Variants in TMOD3 observed in about 807,000 individuals in gnomAD.
TMOD3 encodes tropomodulin-3.
TMOD3 carries 20 observed loss-of-function variants against 39.2 expected under a neutral mutation model. The observed-to-expected ratio is 0.51, with a 90% CI of 0.36 to 0.74. The LOEUF (loss-of-function observed/expected upper bound fraction) is 0.74, where lower values mean the gene tolerates loss of function less well. Among genes scored for constraint, TMOD3 ranks in the 30% least tolerant of loss-of-function variants. The pLI is 0.00. For missense variants in TMOD3, 381 were observed against 412.8 expected, an observed-to-expected ratio of 0.92 and a Z score of 0.67; for synonymous variants, 143 against 145.8, an observed-to-expected ratio of 0.98 and a Z score of 0.14.
At chr15:51,863,122 C>A in intron 2 of TMOD3, 112 bp downstream of exon 2, 1 of 1,049,938 alleles carries the variant, frequency 9.5e-7, no homozygotes, top group East Asian at 2.7e-5. Context: ...ACCCTTTCCT[C>A]CACTTTATCC....
chr15:51,835,050 G>C (rs569769064), intron 1 of TMOD3: 1 of 152,342 alleles, frequency 6.6e-6, no homozygotes, highest in African/African-American at 2.4e-5. Context: ...CCTGATGGAA[G>C]AATGTTAAGT....
rs2056726216 is a variant in TMOD3 at position 51,914,735 on chromosome 15, T to C, written c.*5925T>C. ...ACATAGCTGTAACAAATTATTAAGT[T>C]CTTTTTTTTTTTTAAGATGGAGGTT... On this transcript the variant is annotated 3_prime_UTR_variant, in exon 10 of 10. Transcript: ENST00000308580. 1 of 152,046 alleles carries C rather than the reference T, an allele frequency of 6.6e-6. No homozygotes were observed. The highest frequency in any genetic ancestry group is 2.4e-5 in the African/African-American group (1 of 41,334). 9.4% of individuals were successfully genotyped at this position (152,046 alleles called of 1,614,324 possible).
chr15:51,851,904 G>C (rs1430860640), intron 1 of TMOD3, among the ~76,000 whole-genome samples: 1 of 152,232 alleles, frequency 6.6e-6, no homozygotes, highest in Admixed American at 6.5e-5. Flanking sequence ...TAGGCTGAGA[G>C]AGCTGCTTGG....
At position 51,862,867 on chromosome 15, in the gene TMOD3, C is replaced by T; in HGVS notation, c.-18C>T. 1 of 1,605,746 alleles carries T rather than the reference C, an allele frequency of 6.2e-7. No individual in the cohort carries two copies. The highest frequency in any genetic ancestry group is 8.5e-7 in the Non-Finnish European group (1 of 1,177,098). On this transcript the variant is annotated 5_prime_UTR_variant, in exon 2 of 10. Transcript: ENST00000308580. ...GTACTGAACAGCAAAAATTAAGTGACTTGCTGCCCTGCACATCATGGCACT... is the reference window on the plus strand; with the variant it reads ...GTACTGAACAGCAAAAATTAAGTGATTTGCTGCCCTGCACATCATGGCACT...
Position 51,869,116 on chromosome 15 carries a change from C to G in TMOD3, c.127-101C>G, listed in dbSNP as rs2056461725. The G allele has an allele frequency of 4.6e-6, 6 of 1,304,884 alleles. No homozygotes were observed. In the South Asian group the frequency reaches 8.7e-5, roughly 19 times the overall value. The allele number at this position is 1,304,884 out of a possible 1,614,324, so 80.8% of individuals were successfully genotyped here. ...GCAATGAAGTGTTTAGTGCCTGTATCACATTCCAGTCTGTAATTCTTTTTT... is the reference window on the plus strand; with the variant it reads ...GCAATGAAGTGTTTAGTGCCTGTATGACATTCCAGTCTGTAATTCTTTTTT... On this transcript the variant is annotated intron_variant, in intron 2 of 9. Transcript: ENST00000308580.
chr15:51,857,763 A>AT (rs1180157251), intron 1 of TMOD3, among the ~76,000 whole-genome samples: 1 of 152,108 alleles, frequency 6.6e-6, no homozygotes, highest in African/African-American at 2.4e-5. Context: ...TTATCCAAAC[A>AT]TTAAAAAAAA....
chr15:51,914,348 C>T lies in TMOD3; in HGVS notation c.*5538C>T, dbSNP rs549557505. On this transcript the variant is annotated 3_prime_UTR_variant, in exon 10 of 10. Coordinates refer to ENST00000308580, the MANE Select transcript of TMOD3 (RefSeq NM_014547.5). ...TTGTTTTTGTCTTTTACTTAGGACACCTGCTCTAGAGGCTAGATAAAAATA... is the reference window on the plus strand; with the variant it reads ...TTGTTTTTGTCTTTTACTTAGGACATCTGCTCTAGAGGCTAGATAAAAATA... The T allele has an allele frequency of 6.6e-6, 1 of 151,922 alleles. No homozygotes were observed. Among genetic ancestry groups the T allele is most frequent in the East Asian group, 2.0e-4 (1 of 5,096 alleles). The allele number at this position is 151,922 out of a possible 1,614,324, so 9.4% of individuals were successfully genotyped here. A position where few individuals can be genotyped will look rare whatever the true frequency, so the allele number is the denominator to read the frequency against.
intron 1 of TMOD3, among the ~76,000 whole-genome samples, chr15:51,838,883 G>T (rs965216521): frequency 2.6e-5 from 4 of 152,232 alleles, no homozygotes; most frequent in African/African-American, 9.6e-5. Flanking sequence ...CAGCTTTCCA[G>T]ATTTCTGGAG....
chr15:51,874,249 T>C (rs531215806), intron 3 of TMOD3, among the ~76,000 whole-genome samples: 1 of 152,354 alleles, frequency 6.6e-6, no homozygotes, highest in East Asian at 1.9e-4. Flanking sequence ...TTATTATATG[T>C]AAATCCATTA....
intron 1 of TMOD3, chr15:51,859,916 A>G (rs900431547): frequency 3.7e-6 from 2 of 542,616 alleles, no homozygotes; most frequent in African/African-American, 1.9e-5. Context: ...GAATGCAGTC[A>G]TGGTTCTTTC....
chr15:51,853,498 G>C (rs950637598), intron 1 of TMOD3, among the ~76,000 whole-genome samples: 1 of 152,086 alleles, frequency 6.6e-6, no homozygotes, highest in African/African-American at 2.4e-5. Context: ...ACTGCACCTG[G>C]ACTTTCTTTA....
intron 1 of TMOD3, among the ~76,000 whole-genome samples, chr15:51,832,230 T>TATATATA (rs1450593296): frequency 7.3e-5 from 10 of 136,626 alleles, no homozygotes; most frequent in African/African-American, 2.8e-4. Flanking sequence ...TATATATATA[T>TATATATA]ATGAATGACA....
intron 1 of TMOD3, among the ~76,000 whole-genome samples, chr15:51,848,545 A>G (rs1459352829): frequency 6.6e-6 from 1 of 152,202 alleles, no homozygotes; most frequent in Admixed American, 6.5e-5. Context: ...TTAATTTTGA[A>G]CCATGCCAAA....
Position 51,908,779 on chromosome 15 carries a change from G to GT in TMOD3, c.1029dup (p.Lys344Ter), listed in dbSNP as rs776441187. On this transcript the variant is annotated frameshift_variant, in exon 10 of 10. Coordinates refer to ENST00000308580, the MANE Select transcript of TMOD3 (RefSeq NM_014547.5). LOFTEE classifies it high-confidence loss of function. ...GTTTCTTTTATTTTTCTCATAGTGCGTAAGAGACGAGTTGAAGGAGATCAC... is the reference window on the plus strand; with the variant it reads ...GTTTCTTTTATTTTTCTCATAGTGCGTTAAGAGACGAGTTGAAGGAGATCAC... The GT allele has an allele frequency of 6.2e-7, 1 of 1,606,616 alleles. No homozygotes were observed. Among genetic ancestry groups the GT allele is most frequent in the South Asian group, 1.1e-5 (1 of 89,016 alleles).
At chr15:51,864,748 C>G (rs147974059) in intron 2 of TMOD3, among the ~76,000 whole-genome samples, 192 of 152,198 alleles carry the variant, frequency 1.3e-3, no homozygotes, top group African/African-American at 4.3e-3. Flanking sequence ...TGTAACTAGT[C>G]TCTAGTTGTC....
chr15:51,863,859 C>T (rs1378963765), intron 2 of TMOD3, among the ~76,000 whole-genome samples: 1 of 152,220 alleles, frequency 6.6e-6, no homozygotes, highest in South Asian at 2.1e-4. Context: ...GGAAAAGTTC[C>T]CAGTACATCT....
At chr15:51,869,178 T>A in intron 2 of TMOD3, 39 bp from the exon 3 acceptor site, 1 of 1,600,892 alleles carries the variant, frequency 6.2e-7, no homozygotes, top group Non-Finnish European at 8.5e-7. Flanking sequence ...GCATTAGCAT[T>A]CTTATTGGTC....
chr15:51,861,025 G>T, intron 1 of TMOD3: 1 of 705,048 alleles, frequency 1.4e-6, no homozygotes. Context: ...CCTTGTACCT[G>T]GTGTACAATA....
chr15:51,875,707 C>T (rs1266178819), intron 3 of TMOD3, among the ~76,000 whole-genome samples: 1 of 151,450 alleles, frequency 6.6e-6, no homozygotes, highest in Non-Finnish European at 1.5e-5. Context: ...GTTCCACCTC[C>T]TGGGTTCATG....
Sources: gnomAD v4.1 joint callset for allele counts (sites outside exome capture counted in the v4.1 genomes callset) on GRCh38, gnomAD v4.1.1 for gene constraint, MANE v1.5 for transcripts, NCBI Gene and HGNC (gene_info 2026-07-23, HGNC 2026-07-21) for gene names.